Variants in LHFPL3 observed in about 807,000 individuals in gnomAD.
LHFPL3 encodes LHFPL tetraspan subfamily member 3 protein.
In LHFPL3, 5 loss-of-function variants were observed where a neutral mutation model predicts 19.3. The ratio of observed to expected loss-of-function variants is 0.26; its 90% CI spans 0.14 to 0.54. The LOEUF (loss-of-function observed/expected upper bound fraction) is 0.54. Among genes scored for constraint, LHFPL3 ranks in the 20% least tolerant of loss-of-function variants. The probability of loss-of-function intolerance (pLI) is 0.94; values close to 1 mark genes in which losing one functional copy is unlikely to be tolerated. For missense variants in LHFPL3, 249 were observed against 307.4 expected (o/e 0.81, Z 1.42); for synonymous variants, 133 against 126.2 (o/e 1.05, Z -0.36).
chr7:104,796,700 A>C (rs986733115), intron 2 of LHFPL3: 3 of 152,676 alleles, frequency 2.0e-5, no homozygotes, highest in Admixed American at 2.0e-4. Flanking sequence ...ACCCGGCTCA[A>C]AGTGCCTTAA....
chr7:104,891,625 C>G lies in LHFPL3; in HGVS notation c.683-14562C>G, dbSNP rs555178326. On this transcript the variant is annotated intron_variant, in intron 2 of 2. Coordinates refer to ENST00000424859, the MANE Select transcript of LHFPL3 (RefSeq NM_199000.3). ...GGCATTCTCTTGTGTTGGCCAAGAG[C>G]CATTCTCTGAATCACAAATAAAATG... Among the ~76,000 whole-genome samples, 13 of 152,310 alleles carry G rather than the reference C, an allele frequency of 8.5e-5. No homozygotes were observed. The South Asian group carries it at 2.5e-3, about 29-fold the overall frequency.
At chr7:104,740,319 G>A (rs1266714653) in intron 2 of LHFPL3, among the ~76,000 whole-genome samples, 1 of 152,124 alleles carries the variant, frequency 6.6e-6, no homozygotes, top group Non-Finnish European at 1.5e-5. Flanking sequence ...ATCCCATAAT[G>A]AACAACAAGA....
intron 1 of LHFPL3, among the ~76,000 whole-genome samples, chr7:104,366,628 A>G (rs1790500257): frequency 6.6e-6 from 1 of 152,160 alleles, no homozygotes; most frequent in African/African-American, 2.4e-5. Context: ...AATAAGAGGT[A>G]ATTTCCCTAA....
At chr7:104,520,048 G>C (rs540123723) in intron 1 of LHFPL3, among the ~76,000 whole-genome samples, 28 of 151,758 alleles carry the variant, frequency 1.8e-4, no homozygotes, top group African/African-American at 5.6e-4. Flanking sequence ...AATGCTTCCA[G>C]TTTTTGCCCA....
intron 1 of LHFPL3, among the ~76,000 whole-genome samples, chr7:104,469,037 G>A (rs1195531168): frequency 3.3e-5 from 5 of 152,250 alleles, no homozygotes; most frequent in South Asian, 2.1e-4. Flanking sequence ...CTCTGGTGTC[G>A]TTCATTCCAT....
intron 2 of LHFPL3, among the ~76,000 whole-genome samples, chr7:104,762,094 C>T (rs1794379847): frequency 6.6e-6 from 1 of 152,134 alleles, no homozygotes; most frequent in African/African-American, 2.4e-5. Context: ...GCCAGTGTGT[C>T]ACCTGAGCAG....
intron 2 of LHFPL3, among the ~76,000 whole-genome samples, chr7:104,861,828 G>C (rs1791624320): frequency 6.6e-6 from 1 of 152,112 alleles, no homozygotes; most frequent in Non-Finnish European, 1.5e-5. Context: ...AAGCATTTCT[G>C]TCAGGCAAGC....
chr7:104,563,307 C>T (rs567215294), intron 1 of LHFPL3, among the ~76,000 whole-genome samples: 6 of 152,400 alleles, frequency 3.9e-5, no homozygotes, highest in Non-Finnish European at 8.8e-5. Context: ...AGTTTGATCT[C>T]AGACTGCTGT....
chr7:104,408,819 G>T (rs1046732574), intron 1 of LHFPL3, among the ~76,000 whole-genome samples: 12 of 151,884 alleles, frequency 7.9e-5, no homozygotes, highest in Non-Finnish European at 1.3e-4. Context: ...AGGGTACAGG[G>T]AGGGGCAGAG....
intron 1 of LHFPL3, among the ~76,000 whole-genome samples, chr7:104,440,010 C>G (rs919383039): frequency 1.8e-5 from 2 of 109,242 alleles, no homozygotes; most frequent in Admixed American, 2.7e-4. Context: ...TTTTAGAATA[C>G]AAGATTACTA....
chr7:104,389,384 G>T (rs1240491497), intron 1 of LHFPL3, among the ~76,000 whole-genome samples: 1 of 152,060 alleles, frequency 6.6e-6, no homozygotes, highest in African/African-American at 2.4e-5. Context: ...CTAAATAATT[G>T]GAAAGGCAAT....
At chr7:104,757,033 G>T (rs2116360404) in intron 2 of LHFPL3, among the ~76,000 whole-genome samples, 1 of 152,200 alleles carries the variant, frequency 6.6e-6, no homozygotes, top group Middle Eastern at 3.4e-3. Flanking sequence ...GAAAGTGATA[G>T]GGTACCCCAA....
At position 104,527,951 on chromosome 7, in the gene LHFPL3, G is replaced by T. The variant is rs1794221310; in HGVS notation, c.445+198727G>T. 2.0e-5 allele frequency among the ~76,000 whole-genome samples: 3 copies of T among 152,160 alleles called. No homozygotes were observed. In the South Asian group the frequency reaches 6.2e-4, roughly 32 times the overall value. On this transcript the variant is annotated intron_variant, in intron 1 of 2. Transcript: ENST00000424859. ...AAAGTGAGACCATATTTATTTCTAT[G>T]TAAGTTACAAATCAAAGTTTATGCC...
In LHFPL3 at chr7:104,808,745, G is replaced by A. The variant is rs74332207; in HGVS notation, c.682+71834G>A. Among the ~76,000 whole-genome samples, 315 of 152,238 alleles carry A rather than the reference G, an allele frequency of 2.1e-3. 2 individuals carry two copies. Among genetic ancestry groups the A allele is most frequent in the African/African-American group, 7.3e-3 (303 of 41,526 alleles). On this transcript the variant is annotated intron_variant, in intron 2 of 2. Coordinates refer to ENST00000424859, the MANE Select transcript of LHFPL3 (RefSeq NM_199000.3). The stretch of plus-strand genomic sequence containing the variant: ...TTATTAGATACTCTAAGGCCGGTGA[G>A]TCTAACAGGTAAATAACAAAAACAA...
chr7:104,511,239 T>C (rs902472016), intron 1 of LHFPL3, among the ~76,000 whole-genome samples: 1 of 152,120 alleles, frequency 6.6e-6, no homozygotes, highest in Non-Finnish European at 1.5e-5. Context: ...GTTAGTGATA[T>C]GCAAGCTAAA....
intron 1 of LHFPL3, among the ~76,000 whole-genome samples, chr7:104,529,542 G>A (rs984023607): frequency 1.3e-5 from 2 of 152,232 alleles, no homozygotes; most frequent in Admixed American, 6.5e-5. Flanking sequence ...CATGAAGCGC[G>A]ATGAGAACGT....
At chr7:104,502,430 G>A (rs1793614733) in intron 1 of LHFPL3, among the ~76,000 whole-genome samples, 2 of 151,924 alleles carry the variant, frequency 1.3e-5, no homozygotes, top group South Asian at 4.1e-4. Flanking sequence ...TAAGAAAAAG[G>A]TTTTACATTC....
chr7:104,746,868 G>C lies in LHFPL3; in HGVS notation c.682+9957G>C, dbSNP rs148344786. ...AACATTTATATAGTGTTTGATTAAC[G>C]GGGTGCATAGCCCATGCCCCTCACT... On this transcript the variant is annotated intron_variant, in intron 2 of 2. Coordinates refer to ENST00000424859, the MANE Select transcript of LHFPL3 (RefSeq NM_199000.3). Among the ~76,000 whole-genome samples the C allele has an allele frequency of 3.5e-4, 54 of 152,172 alleles. 1 individual carries two copies. The East Asian group carries it at 9.3e-3, about 26-fold the overall frequency.
At chr7:104,760,097 C>T (rs1009053570) in intron 2 of LHFPL3, among the ~76,000 whole-genome samples, 1 of 152,142 alleles carries the variant, frequency 6.6e-6, no homozygotes, top group East Asian at 1.9e-4. Context: ...TCCGATTCAG[C>T]GATTCAGAGT....
Sources: gnomAD v4.1 joint callset for allele counts (sites outside exome capture counted in the v4.1 genomes callset) on GRCh38, gnomAD v4.1.1 for gene constraint, MANE v1.5 for transcripts, NCBI Gene and HGNC (gene_info 2026-07-23, HGNC 2026-07-21) for gene names.